The following BRK1 variants were observed in gnomAD, a reference collection of about 807,000 sequenced individuals.
BRK1 encodes protein BRICK1.
In BRK1, 6 loss-of-function variants were observed where a neutral mutation model predicts 9.9. The observed-to-expected ratio is 0.60, with a 90% CI of 0.33 to 1.19. The LOEUF (loss-of-function observed/expected upper bound fraction) is 1.19, where lower values mean the gene tolerates loss of function less well. Ranked by LOEUF, BRK1 falls within the 50% of genes most tolerant of loss-of-function variation. BRK1 has a pLI of 0.04. For missense variants in BRK1, 62 were observed against 97.5 expected, an observed-to-expected ratio of 0.64 and a Z score of 1.53; for synonymous variants, 44 against 31.9, an observed-to-expected ratio of 1.38 and a Z score of -1.28.
At chr3:10,121,569 A>G (rs775153289) in intron 1 of BRK1, among the ~76,000 whole-genome samples, 17 of 151,886 alleles carry the variant, frequency 1.1e-4, no homozygotes, top group South Asian at 2.1e-4. Context: ...GTCAACATCT[A>G]TGTACCAGGC....
chr3:10,122,737 T>A (rs1695775334), intron 1 of BRK1, among the ~76,000 whole-genome samples: 1 of 151,902 alleles, frequency 6.6e-6, no homozygotes, highest in African/African-American at 2.4e-5. Flanking sequence ...AAAAAAAAAT[T>A]CATCCGTAAA....
At chr3:10,125,476 T>C in intron 1 of BRK1, 150 bp from the exon 2 acceptor site, 1 of 541,544 alleles carries the variant, frequency 1.8e-6, no homozygotes, top group Non-Finnish European at 3.3e-6. Flanking sequence ...AGATCCACTC[T>C]AAGCAACTGT....
intron 2 of BRK1, 112 bp from the exon 3 acceptor site, chr3:10,126,157 C>T: frequency 1.5e-6 from 1 of 688,942 alleles, no homozygotes; most frequent in Non-Finnish European, 2.3e-6. Flanking sequence ...TGTGACTTCA[C>T]AGCTATCTTC....
chr3:10,122,454 C>T (rs777615044), intron 1 of BRK1, among the ~76,000 whole-genome samples: 5 of 152,028 alleles, frequency 3.3e-5, no homozygotes, highest in Non-Finnish European at 5.9e-5. Flanking sequence ...GCCTGTAATC[C>T]TAGGACTTTG....
rs1695844083 is a variant in BRK1 at position 10,126,586 on chromosome 3, G to C, written c.*291G>C. ...GAGACATTCACAGCCAAAAGCCTGGGACTCTTTGTGAAGGTCCTCCTCACC... is the reference window on the plus strand; with the variant it reads ...GAGACATTCACAGCCAAAAGCCTGGCACTCTTTGTGAAGGTCCTCCTCACC... On this transcript the variant is annotated 3_prime_UTR_variant, in exon 3 of 3. Coordinates refer to ENST00000530758, the MANE Select transcript of BRK1 (RefSeq NM_018462.5). 8.5e-6 allele frequency: 3 copies of C among 354,542 alleles called. No homozygotes were observed. Among genetic ancestry groups the C allele is most frequent in the Middle Eastern group, 1.6e-3 (2 of 1,214 alleles). The allele number at this position is 354,542 out of a possible 1,614,324, so 22.0% of individuals were successfully genotyped here. A position where few individuals can be genotyped will look rare whatever the true frequency, so the allele number is the denominator to read the frequency against.
At chr3:10,119,211 C>CTT (rs997175423) in intron 1 of BRK1, among the ~76,000 whole-genome samples, 2 of 151,516 alleles carry the variant, frequency 1.3e-5, no homozygotes, top group African/African-American at 4.9e-5. Flanking sequence ...AATCCCAGCA[C>CTT]TTTGGGAGGC....
chr3:10,122,794 A>C (rs1376645890), intron 1 of BRK1, among the ~76,000 whole-genome samples: 1 of 152,228 alleles, frequency 6.6e-6, no homozygotes, highest in African/African-American at 2.4e-5. Flanking sequence ...TCCATCTGGC[A>C]AGACCTCTCA....
chr3:10,119,447 G>A (rs1245467287), intron 1 of BRK1, among the ~76,000 whole-genome samples: 1 of 152,142 alleles, frequency 6.6e-6, no homozygotes, highest in African/African-American at 2.4e-5. Context: ...GACAGAGTGA[G>A]ACTCTCTCTC....
At chr3:10,125,847 T>C (rs899703237) in intron 2 of BRK1, 139 bp downstream of exon 2, 1 of 612,894 alleles carries the variant, frequency 1.6e-6, no homozygotes, top group Admixed American at 3.1e-5. Flanking sequence ...TCCCAGCACT[T>C]TGGGAGGCCA....
intron 1 of BRK1, among the ~76,000 whole-genome samples, chr3:10,116,258 C>T (rs1174167701): frequency 6.6e-6 from 1 of 152,162 alleles, no homozygotes; most frequent in Non-Finnish European, 1.5e-5. Flanking sequence ...CTGGTCGATA[C>T]CCTCTAGCGT....
intron 2 of BRK1, 66 bp from the exon 3 acceptor site, chr3:10,126,202 AT>A (rs564589910): frequency 1.1e-3 from 1,316 of 1,182,900 alleles, no homozygotes; most frequent in South Asian, 2.0e-3. Flanking sequence ...GGATCTAAAG[AT>A]TTTTTTTTAG....
At chr3:10,124,358 G>A (rs1695806792) in intron 1 of BRK1, among the ~76,000 whole-genome samples, 1 of 151,826 alleles carries the variant, frequency 6.6e-6, no homozygotes, top group African/African-American at 2.4e-5. Context: ...TACCTAGGAG[G>A]CTGAGGCAGG....
chr3:10,122,996 G>A (rs970473020), intron 1 of BRK1, among the ~76,000 whole-genome samples: 7 of 152,178 alleles, frequency 4.6e-5, no homozygotes, highest in South Asian at 2.1e-4. Flanking sequence ...AAATCATTGC[G>A]TGGGAGAGTC....
intron 1 of BRK1, among the ~76,000 whole-genome samples, chr3:10,116,859 A>G (rs1362160179): frequency 6.6e-6 from 1 of 152,224 alleles, no homozygotes. Flanking sequence ...CATTCAAAGA[A>G]GTTCTAATCT....
intron 1 of BRK1, among the ~76,000 whole-genome samples, chr3:10,121,373 C>T (rs1011553268): frequency 2.6e-5 from 4 of 152,052 alleles, no homozygotes; most frequent in Non-Finnish European, 5.9e-5. Context: ...ATTATAGCCC[C>T]GGAGGCACAG....
chr3:10,126,147 T>C, intron 2 of BRK1, 122 bp from the exon 3 acceptor site: 1 of 660,198 alleles, frequency 1.5e-6, no homozygotes, highest in Non-Finnish European at 2.5e-6. Flanking sequence ...ACCATGTTTC[T>C]GTGACTTCAC....
At chr3:10,126,112 A>G (rs2125119363) in intron 2 of BRK1, among the ~76,000 whole-genome samples, 157 bp from the exon 3 acceptor site, 1 of 152,248 alleles carries the variant, frequency 6.6e-6, no homozygotes, top group East Asian at 1.9e-4. Context: ...AGAAGAGAAA[A>G]GTTAAGCATG....
At chr3:10,122,135 G>T (rs1390687397) in intron 1 of BRK1, among the ~76,000 whole-genome samples, 1 of 149,260 alleles carries the variant, frequency 6.7e-6, no homozygotes, top group African/African-American at 2.5e-5. Flanking sequence ...TGTTGGTCAG[G>T]TTTGTCTTGA....
Position 10,126,443 on chromosome 3 carries a change from C to T in BRK1, c.*148C>T. ...TTTTTTCAAAAGTGTGGCCTTTGGG[C>T]TCTGCCATCTGGGGTGTGGTGTGGT... On this transcript the variant is annotated 3_prime_UTR_variant, in exon 3 of 3. Transcript: ENST00000530758. 1.5e-6 allele frequency: 1 copy of T among 685,884 alleles called. No individual in the cohort carries two copies. The highest frequency in any genetic ancestry group is 2.4e-6 in the Non-Finnish European group (1 of 415,184). The allele number at this position is 685,884 out of a possible 1,614,324, so 42.5% of individuals were successfully genotyped here. A position where few individuals can be genotyped will look rare whatever the true frequency, so the allele number is the denominator to read the frequency against.
Sources: allele counts gnomAD v4.1 joint callset (sites outside exome capture counted in the v4.1 genomes callset), GRCh38; gene constraint gnomAD v4.1.1; transcripts MANE v1.5; gene names NCBI Gene and HGNC (gene_info 2026-07-23, HGNC 2026-07-21).